The following HHAT variants were observed in gnomAD, a reference collection of about 807,000 sequenced individuals.
The protein encoded by HHAT is hedgehog acyltransferase, also known as protein-cysteine N-palmitoyltransferase HHAT.
Under a neutral mutation model 70.8 loss-of-function variants are expected in HHAT, and 47 were observed. The observed-to-expected ratio is 0.66, with a 90% CI of 0.53 to 0.85. The LOEUF (loss-of-function observed/expected upper bound fraction) is 0.85, where lower values mean the gene tolerates loss of function less well. Ranked by LOEUF, HHAT falls within the 40% of genes least tolerant of loss-of-function variation. HHAT has a pLI of 0.00. For synonymous variants in HHAT, 228 were observed against 247.6 expected, an observed-to-expected ratio of 0.92 and a Z score of 0.74; for missense variants, 609 against 604.8, an observed-to-expected ratio of 1.01 and a Z score of -0.07.
chr1:210,386,331 C>T (rs181066884), intron 3 of HHAT, among the ~76,000 whole-genome samples: 1,559 of 142,800 alleles, frequency 0.011, 20 homozygotes, highest in African/African-American at 0.033. Flanking sequence ...CTCCGCCTCC[C>T]GGGTTCACGC....
chr1:210,328,752 G>A (rs914050728), upstream of HHAT, among the ~76,000 whole-genome samples: 8 of 152,226 alleles, frequency 5.3e-5, no homozygotes, highest in Admixed American at 2.0e-4. Context: ...GCCGAGGGGT[G>A]AGCGGGGCTA....
chr1:210,525,402 C>G (rs1293683902), intron 9 of HHAT, among the ~76,000 whole-genome samples: 1 of 152,218 alleles, frequency 6.6e-6, no homozygotes, highest in Non-Finnish European at 1.5e-5. Flanking sequence ...CCTCCAGATG[C>G]AAACACTTGG....
In HHAT at chr1:210,464,534, T is replaced by G; in HGVS notation, c.886T>G (p.Phe296Val). ...GGLALAQVLF[F>V]YVKYLVLFGV... Reference sequence around the variant, plus strand: ...ACTGGCGTTAGCCCAGGTGCTCTTTTTCTACGTGAAGTACTTGGTGCTCTT... The same window carrying G: ...ACTGGCGTTAGCCCAGGTGCTCTTTGTCTACGTGAAGTACTTGGTGCTCTT... The change falls in exon 8 of 12, where the codon TTC becomes GTC. Residue 296 changes from phenylalanine (F) to valine (V), a missense_variant. Phe to Val is a conservative substitution (Grantham distance 50). Coordinates refer to ENST00000261458, the MANE Select transcript of HHAT (RefSeq NM_018194.6). 1 of 1,614,178 alleles carries G rather than the reference T, an allele frequency of 6.2e-7. No individual in the cohort carries two copies. Among genetic ancestry groups the G allele is most frequent in the African/African-American group, 1.3e-5 (1 of 75,038 alleles).
At chr1:210,512,845 C>T (rs531008714) in intron 8 of HHAT, among the ~76,000 whole-genome samples, 2 of 152,228 alleles carry the variant, frequency 1.3e-5, no homozygotes, top group Admixed American at 6.5e-5. Flanking sequence ...CTTACACTTG[C>T]TGAGACACTT....
intron 9 of HHAT, among the ~76,000 whole-genome samples, chr1:210,569,951 AG>A (rs1655830418): frequency 6.6e-6 from 1 of 152,186 alleles, no homozygotes; most frequent in Non-Finnish European, 1.5e-5. Context: ...CCTAGCCTAT[AG>A]TTGGTACTCA....
At chr1:210,440,812 G>T (rs556367137) in intron 7 of HHAT, among the ~76,000 whole-genome samples, 1 of 149,528 alleles carries the variant, frequency 6.7e-6, no homozygotes, top group East Asian at 1.9e-4. Flanking sequence ...GCCAAATCTA[G>T]GTTCCCTAGT....
intron 9 of HHAT, among the ~76,000 whole-genome samples, chr1:210,543,091 C>T (rs1032742077): frequency 4.6e-5 from 7 of 152,008 alleles, no homozygotes; most frequent in African/African-American, 7.2e-5. Context: ...CTTTATGGAA[C>T]GTTAGTCCTG....
chr1:210,413,175 A>G (rs1370535574), intron 6 of HHAT, among the ~76,000 whole-genome samples: 2 of 152,252 alleles, frequency 1.3e-5, no homozygotes, highest in African/African-American at 4.8e-5. Flanking sequence ...TTAATTGTAA[A>G]ACATAACTAA....
intron 7 of HHAT, among the ~76,000 whole-genome samples, chr1:210,445,440 A>G (rs771820236): frequency 1.3e-5 from 2 of 152,100 alleles, no homozygotes; most frequent in Non-Finnish European, 2.9e-5. Flanking sequence ...TCATTCTTTT[A>G]GAGTATATTT....
At chr1:210,360,180 C>T (rs1442176160) in intron 2 of HHAT, among the ~76,000 whole-genome samples, 3 of 151,954 alleles carry the variant, frequency 2.0e-5, no homozygotes, top group Admixed American at 6.6e-5. Flanking sequence ...CAGTGAGTTC[C>T]AAACAGGTCA....
intron 8 of HHAT, among the ~76,000 whole-genome samples, chr1:210,489,618 A>G (rs1375272546): frequency 1.3e-5 from 2 of 152,112 alleles, no homozygotes; most frequent in South Asian, 2.1e-4. Context: ...TTCCTATTCT[A>G]TAGCAACTGG....
At chr1:210,526,367 G>GTTTTGTTTTGTTTTGTTTTGTTTT in intron 9 of HHAT, among the ~76,000 whole-genome samples, 3 of 142,336 alleles carry the variant, frequency 2.1e-5, no homozygotes, top group African/African-American at 7.9e-5. Flanking sequence ...AGTGGGTTCT[G>GTTTTGTTTTGTTTTGTTTTGTTTT]TTTTTTTTTT....
At chr1:210,537,891 G>A (rs1250350416) in intron 9 of HHAT, among the ~76,000 whole-genome samples, 2 of 152,146 alleles carry the variant, frequency 1.3e-5, no homozygotes, top group Non-Finnish European at 2.9e-5. Context: ...CGAGTCATTT[G>A]AAGTTCTCCT....
intron 3 of HHAT, chr1:210,374,169 A>C (rs1481996411): frequency 1.3e-5 from 2 of 152,202 alleles, no homozygotes; most frequent in African/African-American, 4.8e-5. Context: ...TCCCCAGGGC[A>C]AGGCTTACAA....
chr1:210,543,295 T>C (rs536772828), intron 9 of HHAT, among the ~76,000 whole-genome samples: 4 of 151,442 alleles, frequency 2.6e-5, no homozygotes, highest in Middle Eastern at 3.4e-3. Flanking sequence ...TTTCTCTGAA[T>C]TTTTTTTTCC....
chr1:210,362,808 T>G, intron 2 of HHAT, 44 bp from the exon 3 acceptor site: 1 of 1,531,626 alleles, frequency 6.5e-7, no homozygotes. Context: ...CAGCCCAGTT[T>G]TGTTTAGATT....
intron 11 of HHAT, among the ~76,000 whole-genome samples, chr1:210,674,021 C>T (rs1480629727): frequency 6.8e-6 from 1 of 147,940 alleles, no homozygotes; most frequent in Admixed American, 6.9e-5. Flanking sequence ...AGGTTAGTTA[C>T]ATATGTATAC....
At chr1:210,328,875 T>C (rs1571603204), upstream of HHAT, 3 of 517,064 alleles carry the variant, frequency 5.8e-6, no homozygotes, top group Non-Finnish European at 8.9e-6. Flanking sequence ...CGCCGCGGGT[T>C]CCCGAGTCCG....
At chr1:210,585,706 A>G (rs987713550) in intron 9 of HHAT, among the ~76,000 whole-genome samples, 1 of 152,196 alleles carries the variant, frequency 6.6e-6, no homozygotes, top group Non-Finnish European at 1.5e-5. Flanking sequence ...GGCAAGAGCC[A>G]CTGCACCCAG....
Sources: gnomAD v4.1 joint callset for allele counts (sites outside exome capture counted in the v4.1 genomes callset) on GRCh38, gnomAD v4.1.1 for gene constraint, MANE v1.5 for transcripts, NCBI Gene and HGNC (gene_info 2026-07-23, HGNC 2026-07-21) for gene names.